TASP1: variants seen among roughly 807,000 people sequenced by gnomAD.
TASP1 encodes taspase 1.
Under a neutral mutation model 56.6 loss-of-function variants are expected in TASP1, and 16 were observed. The ratio of observed to expected loss-of-function variants is 0.28; its 90% CI spans 0.19 to 0.43. The LOEUF (loss-of-function observed/expected upper bound fraction) is 0.43. Ranked by LOEUF, TASP1 falls within the 20% of genes least tolerant of loss-of-function variation. The pLI is 1.00. For missense variants in TASP1, 393 were observed against 511.6 expected (o/e 0.77, Z 2.24); for synonymous variants, 179 against 184.2 (o/e 0.97, Z 0.23).
chr20:13,117,548 A>G, the TASP1 span: 1 of 1,611,306 alleles, frequency 6.2e-7, no homozygotes. Flanking sequence ...TCATAGCTCT[A>G]AAGAAGAAAT....
intron 11 of TASP1, among the ~76,000 whole-genome samples, chr20:13,453,158 T>C (rs1033741286): frequency 1.3e-5 from 2 of 151,662 alleles, no homozygotes; most frequent in South Asian, 2.1e-4. Flanking sequence ...AGAAACAACA[T>C]GAAAAGAAAA....
chr20:13,285,767 A>C, the TASP1 span, among the ~76,000 whole-genome samples: 11 of 152,258 alleles, frequency 7.2e-5, no homozygotes, highest in Non-Finnish European at 1.6e-4. Flanking sequence ...TTAATAATTT[A>C]GATCCAAGAA....
the TASP1 span, among the ~76,000 whole-genome samples, chr20:13,180,510 T>C: frequency 6.6e-6 from 1 of 152,224 alleles, no homozygotes; most frequent in African/African-American, 2.4e-5. Context: ...CCCTTCAGAC[T>C]GCTGTCTCCT....
At chr20:13,450,820 G>A (rs1384453444) in intron 11 of TASP1, among the ~76,000 whole-genome samples, 2 of 152,086 alleles carry the variant, frequency 1.3e-5, no homozygotes, top group Non-Finnish European at 2.9e-5. Flanking sequence ...ATGGCATCTA[G>A]AAGGTTTTTA....
At chr20:13,479,018 C>T (rs2043040616) in intron 11 of TASP1, among the ~76,000 whole-genome samples, 1 of 151,626 alleles carries the variant, frequency 6.6e-6, no homozygotes, top group Non-Finnish European at 1.5e-5. Flanking sequence ...AAGCATATTG[C>T]AAAACAATAC....
At chr20:13,298,488 C>T in the TASP1 span, among the ~76,000 whole-genome samples, 20 of 152,158 alleles carry the variant, frequency 1.3e-4, 1 homozygote, top group South Asian at 4.2e-4. Context: ...AATCGGATCA[C>T]GGTTATCTAG....
At chr20:13,591,794 G>T (rs1033134758) in intron 4 of TASP1, among the ~76,000 whole-genome samples, 1 of 152,134 alleles carries the variant, frequency 6.6e-6, no homozygotes, top group Non-Finnish European at 1.5e-5. Flanking sequence ...TAGGGCACAA[G>T]TAGCACAAAG....
chr20:13,548,770 T>C (rs1301402315), intron 8 of TASP1, among the ~76,000 whole-genome samples: 1 of 152,188 alleles, frequency 6.6e-6, no homozygotes, highest in Non-Finnish European at 1.5e-5. Flanking sequence ...TCCATGTTTA[T>C]TTATGCAATG....
At chr20:13,550,233 C>T (rs933587778) in intron 8 of TASP1, among the ~76,000 whole-genome samples, 4 of 151,222 alleles carry the variant, frequency 2.6e-5, no homozygotes, top group African/African-American at 9.7e-5. Context: ...GTTTTAGACT[C>T]AGATATTGAT....
At chr20:13,145,996 T>C in the TASP1 span, among the ~76,000 whole-genome samples, 62 of 152,212 alleles carry the variant, frequency 4.1e-4, no homozygotes, top group African/African-American at 1.4e-3. Context: ...TGCAGCACTA[T>C]TCACAATAGC....
chr20:13,195,569 G>A, the TASP1 span, among the ~76,000 whole-genome samples: 2 of 152,230 alleles, frequency 1.3e-5, no homozygotes, highest in South Asian at 4.1e-4. Flanking sequence ...AACTCTGGGT[G>A]CCCACTACGG....
chr20:13,562,972 G>A (rs1377335763), intron 7 of TASP1, among the ~76,000 whole-genome samples: 1 of 132,388 alleles, frequency 7.6e-6, no homozygotes, highest in Non-Finnish European at 1.6e-5. Flanking sequence ...ACGTGCGTAT[G>A]TATGTGTGTG....
At chr20:13,267,523 CTCT>C in the TASP1 span, among the ~76,000 whole-genome samples, 1 of 152,126 alleles carries the variant, frequency 6.6e-6, no homozygotes, top group Non-Finnish European at 1.5e-5. Flanking sequence ...GGGTACAGGG[CTCT>C]TCTTATTATC....
chr20:13,437,223 T>A (rs1355786790), intron 11 of TASP1, among the ~76,000 whole-genome samples: 1 of 152,184 alleles, frequency 6.6e-6, no homozygotes, highest in African/African-American at 2.4e-5. Context: ...TCAATAAACA[T>A]AGTCCAGCAT....
the TASP1 span, among the ~76,000 whole-genome samples, chr20:13,191,728 A>G: frequency 6.6e-6 from 1 of 152,240 alleles, no homozygotes; most frequent in Admixed American, 6.5e-5. Flanking sequence ...CAAAACAGCT[A>G]GAAGAAAGAA....
At chr20:13,501,811 T>G (rs1009837435) in intron 10 of TASP1, among the ~76,000 whole-genome samples, 1 of 151,870 alleles carries the variant, frequency 6.6e-6, no homozygotes, top group African/African-American at 2.4e-5. Context: ...CAAAATAGGC[T>G]AAAAGTAAAA....
chr20:13,174,914 T>G, the TASP1 span, among the ~76,000 whole-genome samples: 1 of 152,048 alleles, frequency 6.6e-6, no homozygotes. Flanking sequence ...CCCCATATGG[T>G]TCTCATAGTA....
the TASP1 span, among the ~76,000 whole-genome samples, chr20:13,216,763 G>C: frequency 6.6e-6 from 1 of 152,176 alleles, no homozygotes; most frequent in Non-Finnish European, 1.5e-5. Context: ...GTAGGGGTCA[G>C]GTAGGGACTC....
the TASP1 span, among the ~76,000 whole-genome samples, chr20:13,360,773 A>G: frequency 6.6e-6 from 1 of 152,040 alleles, no homozygotes; most frequent in Non-Finnish European, 1.5e-5. Context: ...GTCTCCCACA[A>G]CTACCACTGT....
Sources: gnomAD v4.1 joint callset for allele counts (sites outside exome capture counted in the v4.1 genomes callset) on GRCh38, gnomAD v4.1.1 for gene constraint, MANE v1.5 for transcripts, NCBI Gene and HGNC (gene_info 2026-07-23, HGNC 2026-07-21) for gene names.